Variants in LRFN2 observed in about 807,000 individuals in gnomAD.
The protein encoded by LRFN2 is leucine rich repeat and fibronectin type III domain containing 2.
In LRFN2, 18 loss-of-function variants were observed where a neutral mutation model predicts 37.3. The ratio of observed to expected loss-of-function variants is 0.48; its 90% confidence interval spans 0.33 to 0.72. The LOEUF is 0.72. Among genes scored for constraint, LRFN2 ranks in the 30% least tolerant of loss-of-function variants. The pLI is 0.02. For synonymous variants in LRFN2, 556 were observed against 466.6 expected (o/e 1.19, Z -2.47); for missense variants, 1,006 against 1,060.7 (o/e 0.95, Z 0.72).
intron 1 of LRFN2, among the ~76,000 whole-genome samples, chr6:40,441,045 A>T (rs1361822870): frequency 6.6e-6 from 1 of 152,200 alleles, no homozygotes; most frequent in African/African-American, 2.4e-5. Context: ...ATAAAAAATG[A>T]TCTAAAAATC....
chr6:40,397,662 G>T (rs1482659311), intron 2 of LRFN2, among the ~76,000 whole-genome samples: 1 of 152,180 alleles, frequency 6.6e-6, no homozygotes, highest in Non-Finnish European at 1.5e-5. Context: ...GCCGGGCCCT[G>T]AATGGGCAGA....
chr6:40,502,321 G>A (rs904407646), intron 1 of LRFN2: 1 of 152,210 alleles, frequency 6.6e-6, no homozygotes, highest in Non-Finnish European at 1.5e-5. Flanking sequence ...TCATCTCCGA[G>A]GGCTTCAAGG....
At chr6:40,491,226 T>C (rs1015102024) in intron 1 of LRFN2, among the ~76,000 whole-genome samples, 2 of 152,192 alleles carry the variant, frequency 1.3e-5, no homozygotes, top group African/African-American at 4.8e-5. Context: ...CTCAAGCTGC[T>C]TCATTCTCCC....
chr6:40,488,509 T>C (rs1218415876), intron 1 of LRFN2, among the ~76,000 whole-genome samples: 2 of 152,130 alleles, frequency 1.3e-5, no homozygotes, highest in African/African-American at 4.8e-5. Flanking sequence ...TCTGAGAACC[T>C]GAGTCCCAGG....
At chr6:40,490,778 A>G (rs1043392109) in intron 1 of LRFN2, among the ~76,000 whole-genome samples, 2 of 152,224 alleles carry the variant, frequency 1.3e-5, no homozygotes, top group Admixed American at 1.3e-4. Context: ...GAGAATGGGC[A>G]TTAAGCTCCT....
rs377007780 is a variant in LRFN2, at chr6:40,398,138, T to C, written c.1401-5226A>G. Reference sequence around the variant, plus strand: ...CCACTGTTGACACTTTGGCTGACTATGTCTTGGCTGTGTGGGGCTGACCTC... The same window carrying C: ...CCACTGTTGACACTTTGGCTGACTACGTCTTGGCTGTGTGGGGCTGACCTC... On this transcript the variant is annotated intron_variant, in intron 2 of 2. Transcript: ENST00000338305. Among the ~76,000 whole-genome samples, 12 of 151,994 alleles carry C rather than the reference T, an allele frequency of 7.9e-5. No homozygotes were observed. In the South Asian group the frequency reaches 2.3e-3, roughly 29 times the overall value.
rs576049245 is a variant in LRFN2 at position 40,472,818 on chromosome 6, A to T, written c.-18-39687T>A. Reference sequence around the variant, plus strand: ...CAGGCTGACATGTAGGCACCATGTCATTCCCTAAACTGCATTGTATTGGCT... The same window carrying T: ...CAGGCTGACATGTAGGCACCATGTCTTTCCCTAAACTGCATTGTATTGGCT... On this transcript the variant is annotated intron_variant, in intron 1 of 2. Coordinates refer to ENST00000338305, the MANE Select transcript of LRFN2 (RefSeq NM_020737.3). Among the ~76,000 whole-genome samples the T allele has an allele frequency of 2.6e-5, 4 of 152,118 alleles. No individual in the cohort carries two copies. In the East Asian group the frequency reaches 7.7e-4, roughly 29 times the overall value.
At chr6:40,444,219 A>G (rs1763910803) in intron 1 of LRFN2, among the ~76,000 whole-genome samples, 1 of 152,150 alleles carries the variant, frequency 6.6e-6, no homozygotes. Flanking sequence ...TTTCTCAATG[A>G]GTTATTGGAT....
intron 1 of LRFN2, among the ~76,000 whole-genome samples, chr6:40,534,337 T>C (rs1016630589): frequency 2.0e-5 from 3 of 152,000 alleles, no homozygotes; most frequent in Admixed American, 6.6e-5. Flanking sequence ...CCAAGGAAAA[T>C]GTGAATTGCA....
chr6:40,551,971 A>G (rs1346677349), intron 1 of LRFN2, among the ~76,000 whole-genome samples: 1 of 152,098 alleles, frequency 6.6e-6, no homozygotes, highest in South Asian at 2.1e-4. Flanking sequence ...AAAAAGACCT[A>G]CCCAAGTCAC....
chr6:40,412,754 C>CG (rs1409439529), intron 2 of LRFN2, among the ~76,000 whole-genome samples: 1 of 152,178 alleles, frequency 6.6e-6, no homozygotes, highest in African/African-American at 2.4e-5. Context: ...GATACAAGTC[C>CG]CTGCCTTGTG....
chr6:40,469,277 A>C (rs74294337), intron 1 of LRFN2, among the ~76,000 whole-genome samples: 4,323 of 152,210 alleles, frequency 0.028, 112 homozygotes, highest in East Asian at 0.098. Flanking sequence ...TGACTCCAGC[A>C]CCTTGGTTTC....
At chr6:40,526,938 G>A (rs191515689) in intron 1 of LRFN2, among the ~76,000 whole-genome samples, 133 of 152,272 alleles carry the variant, frequency 8.7e-4, no homozygotes, top group Admixed American at 2.7e-3. Flanking sequence ...ACTGATCATT[G>A]CCTGAACTGG....
chr6:40,505,114 G>T lies in LRFN2; in HGVS notation c.-18-71983C>A, dbSNP rs535539351. Among the ~76,000 whole-genome samples, 268 of 152,324 alleles carry T rather than the reference G, an allele frequency of 1.8e-3. 2 individuals carry two copies. Among genetic ancestry groups the T allele is most frequent in the African/African-American group, 6.1e-3 (252 of 41,564 alleles). Reference sequence around the variant, plus strand: ...CAGCCAGTGGGCTCTGTCTGCACGGGCCCTGTGTGGCAGGTTTCTTCTGGT... The same window carrying T: ...CAGCCAGTGGGCTCTGTCTGCACGGTCCCTGTGTGGCAGGTTTCTTCTGGT... On this transcript the variant is annotated intron_variant, in intron 1 of 2. Transcript: ENST00000338305.
At chr6:40,513,057 A>G (rs1173142896) in intron 1 of LRFN2, among the ~76,000 whole-genome samples, 4 of 152,158 alleles carry the variant, frequency 2.6e-5, no homozygotes, top group Non-Finnish European at 4.4e-5. Context: ...GGGCTTGTCA[A>G]CTGCTGGGAC....
chr6:40,483,237 G>A (rs1764875144), intron 1 of LRFN2, among the ~76,000 whole-genome samples: 1 of 152,256 alleles, frequency 6.6e-6, no homozygotes, highest in Admixed American at 6.5e-5. Flanking sequence ...TTAGAGTGAT[G>A]CCATTTCCCA....
At chr6:40,537,929 A>G (rs932967257) in intron 1 of LRFN2, among the ~76,000 whole-genome samples, 1 of 151,988 alleles carries the variant, frequency 6.6e-6, no homozygotes, top group Admixed American at 6.5e-5. Context: ...AGCAGGGAAC[A>G]TGGGAAATGA....
At chr6:40,482,720 G>A (rs1299039258) in intron 1 of LRFN2, among the ~76,000 whole-genome samples, 1 of 151,976 alleles carries the variant, frequency 6.6e-6, no homozygotes, top group African/African-American at 2.4e-5. Context: ...ACACCCCTCC[G>A]CCCTCGCCCT....
rs533683824 is a variant in LRFN2, at chr6:40,563,254, G to A, written c.-19+23687C>T. 1.4e-4 allele frequency among the ~76,000 whole-genome samples: 22 copies of A among 152,200 alleles called. No homozygotes were observed. In the East Asian group the frequency reaches 3.5e-3, roughly 24 times the overall value. On this transcript the variant is annotated intron_variant, in intron 1 of 2. Coordinates refer to ENST00000338305, the MANE Select transcript of LRFN2 (RefSeq NM_020737.3). ...CTCTCTGCATCCGCTCAGTTGCTCC[G>A]TGTCTGTGACTTATAATTCTCTCTC...
Sources: allele counts gnomAD v4.1 joint callset (sites outside exome capture counted in the v4.1 genomes callset), GRCh38; gene constraint gnomAD v4.1.1; transcripts MANE v1.5; gene names NCBI Gene and HGNC (gene_info 2026-07-23, HGNC 2026-07-21).